The following GABRR1 variants were observed in gnomAD, a reference collection of about 807,000 sequenced individuals.
The protein encoded by GABRR1 is gamma-aminobutyric acid receptor subunit rho-1.
In GABRR1, 59 loss-of-function variants were observed where a neutral mutation model predicts 55.5. That is an observed-to-expected ratio of 1.06 (90% CI 0.86 to 1.32). GABRR1 has a LOEUF of 1.32. Ranked by LOEUF, GABRR1 falls within the 40% of genes most tolerant of loss-of-function variation. GABRR1 has a pLI of 0.00. For synonymous variants in GABRR1, 213 were observed against 226.0 expected, an observed-to-expected ratio of 0.94 and a Z score of 0.51; for missense variants, 602 against 619.1, an observed-to-expected ratio of 0.97 and a Z score of 0.29.
At chr6:89,183,833 A>G (rs1414311911) in intron 7 of GABRR1, among the ~76,000 whole-genome samples, 2 of 152,182 alleles carry the variant, frequency 1.3e-5, no homozygotes, top group Non-Finnish European at 2.9e-5. Flanking sequence ...AGGCATACAG[A>G]GTGGTATAGT....
At chr6:89,203,718 C>A (rs536534715) in intron 1 of GABRR1, among the ~76,000 whole-genome samples, 2 of 152,338 alleles carry the variant, frequency 1.3e-5, no homozygotes, top group African/African-American at 4.8e-5. Flanking sequence ...TTGAAGAGGT[C>A]TGAGCTAAAA....
intron 6 of GABRR1, among the ~76,000 whole-genome samples, chr6:89,189,427 C>T (rs541054361): frequency 2.2e-5 from 3 of 138,648 alleles, no homozygotes; most frequent in East Asian, 2.1e-4. Context: ...AACCAAACAC[C>T]GCATATTCTC....
intron 1 of GABRR1, among the ~76,000 whole-genome samples, chr6:89,203,956 G>C (rs1180331303): frequency 6.6e-6 from 1 of 152,234 alleles, no homozygotes; most frequent in South Asian, 2.1e-4. Flanking sequence ...AAAGAGGTCA[G>C]GGTATTTACT....
rs191325559 is a variant in GABRR1, at chr6:89,198,121, G to C, written c.471C>G (p.Asp157Glu). 6.2e-7 allele frequency: 1 copy of C among 1,614,132 alleles called. No individual in the cohort carries two copies. Among genetic ancestry groups the C allele is most frequent in the African/African-American group, 1.3e-5 (1 of 75,036 alleles). ...AGCGTTTGGAGTGCACGAAAAACAT[G>C]TCAGGGACCCAGATCTTCTTGACCA... Reference protein sequence around the residue: ...GRLVKKIWVPDMFFVHSKRSF... With the variant: ...GRLVKKIWVPEMFFVHSKRSF... Residue 157 changes from aspartate to glutamate, a missense_variant, in exon 5 of 10, where the codon GAC (aspartate) becomes GAG (glutamate). Asp to Glu is a conservative substitution (Grantham distance 45). This residue lies in a region of GABRR1 where 435 missense variants were observed against 424.2 expected (regional missense o/e 1.03). Coordinates refer to ENST00000454853, the MANE Select transcript of GABRR1 (RefSeq NM_002042.5).
intron 1 of GABRR1, chr6:89,205,682 A>T (rs1399562985): frequency 6.6e-6 from 1 of 152,298 alleles, no homozygotes; most frequent in Non-Finnish European, 1.5e-5. Context: ...GTCTGCTGGA[A>T]GGCTCATTCA....
intron 7 of GABRR1, among the ~76,000 whole-genome samples, chr6:89,184,787 A>G (rs59085659): frequency 0.019 from 2,943 of 151,786 alleles, 100 homozygotes; most frequent in African/African-American, 0.066. Context: ...TTAGGTTAGT[A>G]CTCTGACGCA....
intron 5 of GABRR1, among the ~76,000 whole-genome samples, chr6:89,192,534 A>AC (rs1471626934): frequency 7.3e-6 from 1 of 137,890 alleles, no homozygotes; most frequent in Non-Finnish European, 1.6e-5. Context: ...GCTGTCATTG[A>AC]CTCCTCTTCT....
intron 5 of GABRR1, among the ~76,000 whole-genome samples, chr6:89,193,101 C>T (rs1425577397): frequency 2.6e-5 from 4 of 152,162 alleles, no homozygotes; most frequent in Non-Finnish European, 5.9e-5. Flanking sequence ...GGGTTCTGTG[C>T]CTGTCTCCTC....
At chr6:89,204,725 C>T in intron 1 of GABRR1, 1 of 1,072,606 alleles carries the variant, frequency 9.3e-7, no homozygotes, top group Non-Finnish European at 1.2e-6. Flanking sequence ...GAATAAAATA[C>T]AGTTATAGTC....
chr6:89,203,419 G>A lies in GABRR1; in HGVS notation c.173+16C>T, dbSNP rs760629012. The A allele has an allele frequency of 2.5e-5, 40 of 1,610,038 alleles. No individual in the cohort carries two copies. Among genetic ancestry groups the A allele is most frequent in the Middle Eastern group, 3.3e-4 (2 of 6,082 alleles). The stretch of plus-strand genomic sequence containing the variant: ...GAAACATCTGCAGAACAGTGTGCAC[G>A]TGCTTATGGCCATACCTGACTTGCT... On this transcript the variant is annotated intron_variant, in intron 2 of 9. Transcript: ENST00000454853.
intron 5 of GABRR1, among the ~76,000 whole-genome samples, chr6:89,193,255 T>C (rs1772158415): frequency 1.3e-5 from 2 of 152,226 alleles, no homozygotes. Context: ...TAAGAATCTG[T>C]TGAAGTAATC....
At chr6:89,202,295 GTT>G (rs1002094055) in intron 2 of GABRR1, among the ~76,000 whole-genome samples, 1 of 151,834 alleles carries the variant, frequency 6.6e-6, no homozygotes, top group African/African-American at 2.4e-5. Flanking sequence ...TTGTTTGTTT[GTT>G]TGTTTGTTTG....
At position 89,231,230 on chromosome 6, in the gene GABRR1, G is replaced by A. The variant is rs535050584; in HGVS notation, c.-425C>T. On this transcript the variant is annotated 5_prime_UTR_variant, in exon 1 of 12. Coordinates refer to the GABRR1 transcript ENST00000369451. ...GCAGAAATCACCCGTCTTCTGCGTC[G>A]CTCACGCTGGGAGCTGTAGACGGGA... 8.7e-4 allele frequency: 135 copies of A among 155,358 alleles called. 1 individual carries two copies. The highest frequency in any genetic ancestry group is 2.2e-3 in the Admixed American group (34 of 15,338). The allele number at this position is 155,358 out of a possible 1,614,324, so 9.6% of individuals were successfully genotyped here.
At chr6:89,180,192 T>C (rs779917571) in intron 9 of GABRR1, 100 bp downstream of exon 9, 322 of 1,304,146 alleles carry the variant, frequency 2.5e-4, no homozygotes, top group Non-Finnish European at 3.2e-4. Flanking sequence ...GGAGAGGGTA[T>C]CATGACCTTG....
intron 1 of GABRR1, among the ~76,000 whole-genome samples, chr6:89,230,584 G>C (rs1199786616): frequency 1.3e-5 from 2 of 152,202 alleles, no homozygotes; most frequent in African/African-American, 4.8e-5. Context: ...CGGGGGTCAG[G>C]GGTCAGGGAC....
At chr6:89,215,772 G>T (rs373911549) in intron 1 of GABRR1, among the ~76,000 whole-genome samples, 4 of 152,156 alleles carry the variant, frequency 2.6e-5, no homozygotes, top group East Asian at 3.9e-4. Flanking sequence ...ACATCATTTT[G>T]TATGTACCCC....
chr6:89,185,780 A>T (rs987362458), intron 6 of GABRR1, among the ~76,000 whole-genome samples: 4 of 152,228 alleles, frequency 2.6e-5, no homozygotes, highest in African/African-American at 9.6e-5. Context: ...ATGGTTAAAT[A>T]TTGGCAAAAT....
At position 89,191,898 on chromosome 6, in the gene GABRR1, C is replaced by T. The variant is rs149159323; in HGVS notation, c.573-1651G>A. Among the ~76,000 whole-genome samples the T allele has an allele frequency of 3.2e-4, 49 of 152,108 alleles. No individual in the cohort carries two copies. The South Asian group carries it at 5.2e-3, about 16-fold the overall frequency. ...AGCTAAGATAAAAGTTGGCATTTGA[C>T]GGGCGTAGTGGCATGCACCTGTAGT... On this transcript the variant is annotated intron_variant, in intron 5 of 9. Coordinates refer to ENST00000454853, the MANE Select transcript of GABRR1 (RefSeq NM_002042.5).
At position 89,217,208 on chromosome 6, in the gene GABRR1, T is replaced by A. The variant is rs773176926; in HGVS notation, c.115A>T (p.Lys39Ter). 9 of 1,614,054 alleles carry A rather than the reference T, an allele frequency of 5.6e-6. No homozygotes were observed. Among genetic ancestry groups the A allele is most frequent in the Non-Finnish European group, 7.6e-6 (9 of 1,179,990 alleles). Residue 39 changes from lysine to a stop codon, truncating the protein, a stop_gained, in exon 1 of 10, where the codon AAA (lysine) becomes TAA (stop). Coordinates refer to ENST00000454853, the MANE Select transcript of GABRR1 (RefSeq NM_002042.5). LOFTEE classifies it high-confidence loss of function. ...PGREVHEMSK[K>*]GRPQRQRREV... The stretch of plus-strand genomic sequence containing the variant: ...CCCTAAATGTCCACTCACCTGCCTT[T>A]CTTAGACATCTCGTGGACTTCTCTT...
Sources: gnomAD v4.1 joint callset for allele counts (sites outside exome capture counted in the v4.1 genomes callset) on GRCh38, gnomAD v4.1.1 for gene constraint, gnomAD v4.1.1 regional missense constraint, MANE v1.5 for transcripts, NCBI Gene and HGNC (gene_info 2026-07-23, HGNC 2026-07-21) for gene names.